The following GPC5 variants were observed in gnomAD, a reference collection of about 807,000 sequenced individuals.
The protein encoded by GPC5 is glypican-5.
Under a neutral mutation model 53.9 loss-of-function variants are expected in GPC5, and 47 were observed. The ratio of observed to expected loss-of-function variants is 0.87; its 90% CI spans 0.69 to 1.11. GPC5 has a LOEUF of 1.11. GPC5 is among the 50% of genes most tolerant of loss of function. GPC5 has a pLI of 0.00. For missense variants in GPC5, 748 were observed against 713.1 expected, an observed-to-expected ratio of 1.05 and a Z score of -0.56; for synonymous variants, 286 against 263.3, an observed-to-expected ratio of 1.09 and a Z score of -0.84.
At chr13:92,729,592 G>T (rs898186267) in intron 7 of GPC5, among the ~76,000 whole-genome samples, 1 of 151,164 alleles carries the variant, frequency 6.6e-6, no homozygotes, top group African/African-American at 2.4e-5. Context: ...CTCTGCTGTA[G>T]ACCATAAAAT....
rs77721979 is a variant in GPC5, at chr13:91,491,494, T to C, written c.325+42572T>C. Reference sequence around the variant, plus strand: ...TGGAATAATATTCCACTAACCACATTAACTTCATGCCTTTCCAAACTCCTG... The same window carrying C: ...TGGAATAATATTCCACTAACCACATCAACTTCATGCCTTTCCAAACTCCTG... On this transcript the variant is annotated intron_variant, in intron 2 of 7. Coordinates refer to ENST00000377067, the MANE Select transcript of GPC5 (RefSeq NM_004466.6). Among the ~76,000 whole-genome samples the C allele has an allele frequency of 1.8e-3, 278 of 152,358 alleles. 2 individuals carry two copies. Among genetic ancestry groups the C allele is most frequent in the African/African-American group, 6.4e-3 (267 of 41,588 alleles).
chr13:92,496,028 C>G (rs1879965310), intron 7 of GPC5, among the ~76,000 whole-genome samples: 2 of 152,008 alleles, frequency 1.3e-5, no homozygotes, highest in South Asian at 4.1e-4. Flanking sequence ...CTCTTGAACT[C>G]TACAATGAAC....
chr13:92,640,269 G>C (rs1224650476), intron 7 of GPC5, among the ~76,000 whole-genome samples: 1 of 151,860 alleles, frequency 6.6e-6, no homozygotes, highest in South Asian at 2.1e-4. Context: ...GTTTTGTTTT[G>C]TTTTGTTTGA....
intron 7 of GPC5, among the ~76,000 whole-genome samples, chr13:92,666,840 A>G (rs1348453568): frequency 6.6e-6 from 1 of 152,230 alleles, no homozygotes; most frequent in East Asian, 1.9e-4. Context: ...GTGTAATTCA[A>G]TGGTTTATCA....
chr13:91,727,738 G>C (rs1433606137), intron 3 of GPC5, among the ~76,000 whole-genome samples: 1 of 152,076 alleles, frequency 6.6e-6, no homozygotes, highest in Non-Finnish European at 1.5e-5. Flanking sequence ...GGAAAAATTA[G>C]GACCAGAACC....
chr13:92,140,324 A>G (rs1401907347), intron 6 of GPC5, among the ~76,000 whole-genome samples: 1 of 152,206 alleles, frequency 6.6e-6, no homozygotes, highest in African/African-American at 2.4e-5. Flanking sequence ...AAACAAAATA[A>G]TACATAATAT....
chr13:92,342,448 A>G (rs2043375020), intron 7 of GPC5, among the ~76,000 whole-genome samples: 1 of 152,034 alleles, frequency 6.6e-6, no homozygotes, highest in Non-Finnish European at 1.5e-5. Flanking sequence ...TGTTTGAGTC[A>G]TGAGTCCTCC....
chr13:91,844,664 C>G (rs905383171), intron 5 of GPC5, among the ~76,000 whole-genome samples: 1 of 152,096 alleles, frequency 6.6e-6, no homozygotes, highest in Non-Finnish European at 1.5e-5. Context: ...GAAATTTAAC[C>G]ATCACCTCTA....
intron 6 of GPC5, among the ~76,000 whole-genome samples, chr13:91,961,448 G>T (rs1566365252): frequency 1.3e-5 from 2 of 151,980 alleles, no homozygotes; most frequent in Non-Finnish European, 2.9e-5. Flanking sequence ...GTCATAGTAT[G>T]TGGAGTAATT....
chr13:92,284,104 G>A (rs2042936033), intron 7 of GPC5, among the ~76,000 whole-genome samples: 1 of 151,986 alleles, frequency 6.6e-6, no homozygotes, highest in African/African-American at 2.4e-5. Flanking sequence ...AGAATACTAT[G>A]AAACACCTCT....
intron 2 of GPC5, among the ~76,000 whole-genome samples, chr13:91,551,703 T>C (rs573417156): frequency 6.9e-4 from 105 of 152,246 alleles, no homozygotes; most frequent in Middle Eastern, 3.4e-3. Context: ...TTTCTGTTTG[T>C]TCTGCAGAGA....
chr13:92,132,476 G>C (rs2041752277), intron 6 of GPC5, among the ~76,000 whole-genome samples: 1 of 152,060 alleles, frequency 6.6e-6, no homozygotes, highest in South Asian at 2.1e-4. Context: ...TATGAGGGAG[G>C]CTGTCTGTGT....
At chr13:91,771,770 T>C (rs527762050) in intron 5 of GPC5, among the ~76,000 whole-genome samples, 2 of 152,314 alleles carry the variant, frequency 1.3e-5, no homozygotes, top group South Asian at 2.1e-4. Context: ...AAAAATGTTA[T>C]AATAGAATCA....
At chr13:92,550,315 G>A (rs1484868732) in intron 7 of GPC5, among the ~76,000 whole-genome samples, 2 of 151,756 alleles carry the variant, frequency 1.3e-5, no homozygotes, top group Non-Finnish European at 3.0e-5. Context: ...ATTACTCCAT[G>A]GGATTGAGCT....
At chr13:91,684,639 C>T (rs2035581835) in intron 2 of GPC5, among the ~76,000 whole-genome samples, 1 of 152,182 alleles carries the variant, frequency 6.6e-6, no homozygotes, top group African/African-American at 2.4e-5. Context: ...TGACTGTCAC[C>T]CATACTGTTA....
At chr13:92,527,199 AAGAAAG>A (rs1282226651) in intron 7 of GPC5, among the ~76,000 whole-genome samples, 1 of 26,490 alleles carries the variant, frequency 3.8e-5, no homozygotes, top group Non-Finnish European at 5.9e-5. Flanking sequence ...GAAAGAAAGA[AAGAAAG>A]AAAGAAAGAA....
At chr13:91,846,831 G>C (rs191585755) in intron 5 of GPC5, among the ~76,000 whole-genome samples, 1 of 152,038 alleles carries the variant, frequency 6.6e-6, no homozygotes, top group Admixed American at 6.6e-5. Flanking sequence ...GAATTGAAGA[G>C]GTTTTGGGAA....
At chr13:92,117,680 A>G (rs962139135) in intron 6 of GPC5, among the ~76,000 whole-genome samples, 2 of 152,148 alleles carry the variant, frequency 1.3e-5, no homozygotes, top group African/African-American at 4.8e-5. Flanking sequence ...CTGTTAAAAT[A>G]CCAATTGTGC....
chr13:92,045,085 A>G (rs2040971223), intron 6 of GPC5, among the ~76,000 whole-genome samples: 1 of 152,200 alleles, frequency 6.6e-6, no homozygotes, highest in Admixed American at 6.5e-5. Flanking sequence ...TGGATTTCAA[A>G]CAAACTATTC....
Sources: gnomAD v4.1 joint callset for allele counts (sites outside exome capture counted in the v4.1 genomes callset) on GRCh38, gnomAD v4.1.1 for gene constraint, MANE v1.5 for transcripts, NCBI Gene and HGNC (gene_info 2026-07-23, HGNC 2026-07-21) for gene names.